The following LGR4 variants were observed in gnomAD, a reference collection of about 807,000 sequenced individuals.
LGR4 encodes the protein leucine rich repeat containing G protein-coupled receptor 4.
A neutral mutation model predicts 84.8 loss-of-function variants in LGR4; 44 were observed. The observed-to-expected ratio is 0.52, with a 90% CI of 0.41 to 0.67. The LOEUF (loss-of-function observed/expected upper bound fraction) is 0.67, where lower values mean the gene tolerates loss of function less well. Among genes scored for constraint, LGR4 ranks in the 30% least tolerant of loss-of-function variants. LGR4 has a pLI of 0.00. For missense variants in LGR4, 1,032 were observed against 1,131.4 expected, an observed-to-expected ratio of 0.91 and a Z score of 1.26; for synonymous variants, 429 against 434.3, an observed-to-expected ratio of 0.99 and a Z score of 0.15.
At chr11:27,372,864 C>G in intron 15 of LGR4, 1 of 130,096 alleles carries the variant, frequency 7.7e-6, no homozygotes, top group South Asian at 2.5e-4. Flanking sequence ...ATAATATTCT[C>G]TCTCTTTTTT....
Position 27,368,634 on chromosome 11 carries a change from G to A in LGR4, c.2089C>T (p.Pro697Ser). Residue 697 changes from proline to serine, a missense_variant, in exon 18 of 18, where the codon CCT (proline) becomes TCT (serine). Physicochemically the swap from Pro to Ser is moderately conservative, Grantham distance 74. Coordinates refer to ENST00000379214, the MANE Select transcript of LGR4 (RefSeq NM_018490.5). Reference protein sequence around the residue: ...YSASPLCLPFPTGETPSLGFT... With the variant: ...YSASPLCLPFSTGETPSLGFT... ...CCTAATGATGGCGTTTCACCTGTAG[G>A]AAATGGCAAACAAAGGGGTGATGCA... 4 of 1,614,018 alleles carry A rather than the reference G, an allele frequency of 2.5e-6. No homozygotes were observed. Among genetic ancestry groups the A allele is most frequent in the Non-Finnish European group, 3.4e-6 (4 of 1,179,992 alleles).
rs529700185 is a variant in LGR4 at position 27,402,236 on chromosome 11, G to A, written c.258-9718C>T. Among the ~76,000 whole-genome samples the A allele has an allele frequency of 3.3e-5, 5 of 152,194 alleles. No individual in the cohort carries two copies. The South Asian group carries it at 1.0e-3, about 32-fold the overall frequency. ...GGGATAGACCTGTGACCCCAGCTCTGGTTAATGAAGTGAGAGGAAGTTTAC... is the reference window on the plus strand; with the variant it reads ...GGGATAGACCTGTGACCCCAGCTCTAGTTAATGAAGTGAGAGGAAGTTTAC... On this transcript the variant is annotated intron_variant, in intron 2 of 17. Transcript: ENST00000379214.
chr11:27,380,232 T>A, intron 10 of LGR4, 39 bp downstream of exon 10: 2 of 1,329,408 alleles, frequency 1.5e-6, no homozygotes, highest in Non-Finnish European at 2.1e-6. Flanking sequence ...TCCAGTAGTG[T>A]TATCTTTATA....
intron 13 of LGR4, among the ~76,000 whole-genome samples, chr11:27,374,754 T>C (rs1862944190): frequency 1.3e-5 from 2 of 152,122 alleles, no homozygotes; most frequent in Admixed American, 1.3e-4. Flanking sequence ...ACCAGCTTCT[T>C]AGTGTCACTT....
At chr11:27,458,173 G>C (rs767506115) in intron 1 of LGR4, among the ~76,000 whole-genome samples, 1 of 152,054 alleles carries the variant, frequency 6.6e-6, no homozygotes, top group Admixed American at 6.6e-5. Flanking sequence ...ATTAATATAC[G>C]CAACATGTTA....
intron 2 of LGR4, 62 bp from the exon 3 acceptor site, chr11:27,392,580 A>G: frequency 7.3e-7 from 1 of 1,366,422 alleles, no homozygotes; most frequent in Non-Finnish European, 1.0e-6. Flanking sequence ...AAAATTCAGA[A>G]CTTACAAAAA....
intron 1 of LGR4, among the ~76,000 whole-genome samples, chr11:27,454,011 C>T (rs1401706130): frequency 6.6e-6 from 1 of 152,210 alleles, no homozygotes; most frequent in Non-Finnish European, 1.5e-5. Context: ...ATAATACAAT[C>T]TATTCTCTTT....
chr11:27,428,442 C>G (rs1270187034), intron 1 of LGR4, among the ~76,000 whole-genome samples: 5 of 152,054 alleles, frequency 3.3e-5, no homozygotes, highest in Non-Finnish European at 7.4e-5. Context: ...CCCGGCCTAT[C>G]TTGCGCTCTT....
At chr11:27,454,030 C>T (rs900493812) in intron 1 of LGR4, among the ~76,000 whole-genome samples, 3 of 152,230 alleles carry the variant, frequency 2.0e-5, no homozygotes, top group African/African-American at 7.2e-5. Flanking sequence ...TTGAAGCCTG[C>T]TACCTGGAGG....
chr11:27,392,379 C>A, intron 3 of LGR4, 68 bp downstream of exon 3: 1 of 1,247,626 alleles, frequency 8.0e-7, no homozygotes, highest in Non-Finnish European at 1.1e-6. Flanking sequence ...AACCTAGTTC[C>A]AAGCATGTTG....
chr11:27,398,281 T>C (rs897281864), intron 2 of LGR4, among the ~76,000 whole-genome samples: 2 of 152,200 alleles, frequency 1.3e-5, no homozygotes, highest in African/African-American at 4.8e-5. Context: ...GATGGTAATC[T>C]GGGCCAAAGT....
chr11:27,368,405 G>C lies in LGR4; in HGVS notation c.2318C>G (p.Thr773Ser). 6.2e-7 allele frequency: 1 copy of C among 1,614,190 alleles called. No individual in the cohort carries two copies. The highest frequency in any genetic ancestry group is 2.2e-5 in the East Asian group (1 of 44,882). Residue 773 changes from threonine (T) to serine (S), a missense_variant, in exon 18 of 18, where the codon ACT becomes AGT. Physicochemically the swap from Thr to Ser is moderately conservative, Grantham distance 58. Transcript: ENST00000379214. ...VAFFSFAPLI[T>S]AISISPEIMK... ...TATTTCGGGGCTGATAGAGATTGCA[G>C]TGATCAATGGTGCAAATGAAAAAAA...
intron 1 of LGR4, among the ~76,000 whole-genome samples, chr11:27,454,557 C>T (rs908095823): frequency 2.0e-5 from 3 of 152,044 alleles, no homozygotes; most frequent in East Asian, 1.9e-4. Flanking sequence ...GTCAGGAGTT[C>T]GAGACCAGTC....
At chr11:27,383,288 A>G (rs1348324697) in intron 6 of LGR4, among the ~76,000 whole-genome samples, 1 of 152,208 alleles carries the variant, frequency 6.6e-6, no homozygotes, top group East Asian at 1.9e-4. Context: ...TTTGAGACCT[A>G]TTTTGGTTTC....
intron 1 of LGR4, among the ~76,000 whole-genome samples, chr11:27,462,873 A>T (rs1459192397): frequency 6.6e-6 from 1 of 151,988 alleles, no homozygotes; most frequent in African/African-American, 2.4e-5. Context: ...GACTCTTAAA[A>T]AAAAGAAAAA....
chr11:27,464,678 A>G (rs561227215), intron 1 of LGR4, among the ~76,000 whole-genome samples: 1 of 152,302 alleles, frequency 6.6e-6, no homozygotes, highest in African/African-American at 2.4e-5. Context: ...CAAGGTAAGG[A>G]GCTATCTCCC....
intron 1 of LGR4, among the ~76,000 whole-genome samples, chr11:27,430,788 T>C (rs1381908451): frequency 1.3e-5 from 2 of 152,064 alleles, no homozygotes; most frequent in Non-Finnish European, 2.9e-5. Context: ...AGAAGACAAT[T>C]CATGCCAATC....
chr11:27,373,383 T>C (rs1325385108), intron 15 of LGR4, 168 bp downstream of exon 15: 3 of 555,202 alleles, frequency 5.4e-6, no homozygotes, highest in South Asian at 3.8e-5. Context: ...GACTGTGGAA[T>C]AATGTTCATA....
chr11:27,446,323 ATTGCTTTTGG>A (rs1864389550), intron 1 of LGR4, among the ~76,000 whole-genome samples: 1 of 152,166 alleles, frequency 6.6e-6, no homozygotes, highest in African/African-American at 2.4e-5. Flanking sequence ...TTTTGCTGCC[ATTGCTTTTGG>A]TGTTTTAGTC....
Sources: gnomAD v4.1 joint callset for allele counts (sites outside exome capture counted in the v4.1 genomes callset) on GRCh38, gnomAD v4.1.1 for gene constraint, MANE v1.5 for transcripts, NCBI Gene and HGNC (gene_info 2026-07-23, HGNC 2026-07-21) for gene names.